Variants in ZRANB3 observed in about 807,000 individuals in gnomAD.
ZRANB3 encodes zinc finger RANBP2-type containing 3.
In ZRANB3, 125 loss-of-function variants were observed where a neutral mutation model predicts 133.8. That is an observed-to-expected ratio of 0.93 (90% confidence interval 0.81 to 1.08). ZRANB3 has a LOEUF of 1.08. Ranked by LOEUF, ZRANB3 falls within the 50% of genes least tolerant of loss-of-function variation. The pLI is 0.00. For missense variants in ZRANB3, 1,229 were observed against 1,275.5 expected (o/e 0.96, Z 0.56); for synonymous variants, 387 against 432.7 (o/e 0.89, Z 1.31).
chr2:135,451,388 C>A (rs1342714757), intron 2 of ZRANB3, among the ~76,000 whole-genome samples: 5 of 151,732 alleles, frequency 3.3e-5, no homozygotes, highest in Non-Finnish European at 4.4e-5. Context: ...ATGGAGAAAC[C>A]CCGTCTCTAC....
At chr2:135,200,468 C>T in intron 20 of ZRANB3, 28 bp from the exon 21 acceptor site, 2 of 1,538,914 alleles carry the variant, frequency 1.3e-6, no homozygotes, top group Non-Finnish European at 1.8e-6. Flanking sequence ...TGCATGTGTA[C>T]ACGTTAGGAA....
intron 2 of ZRANB3, among the ~76,000 whole-genome samples, chr2:135,442,490 A>C (rs1689823502): frequency 6.6e-6 from 1 of 152,258 alleles, no homozygotes; most frequent in Non-Finnish European, 1.5e-5. Flanking sequence ...TCAAAACCAC[A>C]GTGAGATACC....
intron 2 of ZRANB3, among the ~76,000 whole-genome samples, chr2:135,425,060 AT>A (rs1310598213): frequency 2.0e-5 from 3 of 152,180 alleles, no homozygotes; most frequent in Non-Finnish European, 1.5e-5. Context: ...ATGCCTACAA[AT>A]TCTGAGAAAA....
intron 2 of ZRANB3, among the ~76,000 whole-genome samples, chr2:135,408,760 G>A (rs966779484): frequency 6.6e-6 from 1 of 151,844 alleles, no homozygotes; most frequent in Non-Finnish European, 1.5e-5. Context: ...TCACTCATAG[G>A]TGGGAACTGA....
At chr2:135,408,833 G>C (rs918291459) in intron 2 of ZRANB3, among the ~76,000 whole-genome samples, 2 of 152,052 alleles carry the variant, frequency 1.3e-5, no homozygotes, top group Admixed American at 6.6e-5. Flanking sequence ...TGTGGGGTCG[G>C]GGGATGGGGG....
At chr2:135,335,954 T>A (rs1053614580) in intron 6 of ZRANB3, among the ~76,000 whole-genome samples, 2 of 152,190 alleles carry the variant, frequency 1.3e-5, no homozygotes, top group African/African-American at 2.4e-5. Context: ...ACTCACCAAG[T>A]GCTTATAAAA....
intron 1 of ZRANB3, among the ~76,000 whole-genome samples, chr2:135,509,631 CTTTTGTTTTTTTACAAATACAAATTAA>C (rs1296598008): frequency 4.1e-4 from 63 of 152,148 alleles, no homozygotes; most frequent in African/African-American, 1.5e-3. Flanking sequence ...AATATTTTGT[CTTTTGTTTTTTTACAAATACAAATTAA>C]ACATGAAAAA....
At chr2:135,472,401 G>A (rs1447992259) in intron 2 of ZRANB3, among the ~76,000 whole-genome samples, 1 of 151,764 alleles carries the variant, frequency 6.6e-6, no homozygotes, top group Non-Finnish European at 1.5e-5. Context: ...TGGGGAGGCT[G>A]AGGCAGGAGA....
intron 8 of ZRANB3, among the ~76,000 whole-genome samples, chr2:135,291,527 C>T (rs1280760574): frequency 6.6e-6 from 1 of 151,430 alleles, no homozygotes; most frequent in Non-Finnish European, 1.5e-5. Context: ...TAATCCCCAA[C>T]TTCTTGGAGG....
intron 6 of ZRANB3, among the ~76,000 whole-genome samples, chr2:135,338,356 T>A (rs892760223): frequency 1.3e-5 from 2 of 152,238 alleles, no homozygotes; most frequent in Non-Finnish European, 1.5e-5. Context: ...TCCCTATCAA[T>A]CTGATCACTT....
At chr2:135,440,308 AG>A (rs1325789578) in intron 2 of ZRANB3, among the ~76,000 whole-genome samples, 1 of 152,082 alleles carries the variant, frequency 6.6e-6, no homozygotes, top group Non-Finnish European at 1.5e-5. Context: ...ACCAAAAATG[AG>A]AATCACTTGA....
chr2:135,518,120 G>T (rs1006657138), intron 1 of ZRANB3, among the ~76,000 whole-genome samples: 5 of 152,200 alleles, frequency 3.3e-5, no homozygotes, highest in African/African-American at 1.2e-4. Context: ...TACCAAGCTC[G>T]ACCGTCCCAG....
intron 7 of ZRANB3, among the ~76,000 whole-genome samples, chr2:135,314,389 GTTC>G (rs887312040): frequency 7.2e-5 from 11 of 152,010 alleles, no homozygotes; most frequent in African/African-American, 2.4e-4. Flanking sequence ...AAATCAGATT[GTTC>G]TTATTTTAGA....
intron 6 of ZRANB3, among the ~76,000 whole-genome samples, chr2:135,316,690 G>A (rs1040754743): frequency 3.3e-5 from 5 of 151,968 alleles, no homozygotes; most frequent in Non-Finnish European, 7.4e-5. Context: ...ACTTGTAGCC[G>A]GGCACGGTGG....
chr2:135,391,045 G>C (rs1183753882), intron 2 of ZRANB3, among the ~76,000 whole-genome samples: 1 of 152,062 alleles, frequency 6.6e-6, no homozygotes, highest in Admixed American at 6.6e-5. Flanking sequence ...ATTTTTAGTA[G>C]AGAAGGGGTT....
chr2:135,203,011 A>T, intron 19 of ZRANB3, 48 bp from the exon 20 acceptor site: 1 of 1,591,648 alleles, frequency 6.3e-7, no homozygotes, highest in Non-Finnish European at 8.6e-7. Flanking sequence ...TACTGCAAGA[A>T]GTGTTTGTTG....
At chr2:135,269,205 C>A in intron 10 of ZRANB3, 64 bp from the exon 11 acceptor site, 1 of 1,334,956 alleles carries the variant, frequency 7.5e-7, no homozygotes, top group Non-Finnish European at 9.9e-7. Flanking sequence ...TAAAGTATTT[C>A]TGAACATGTT....
intron 13 of ZRANB3, among the ~76,000 whole-genome samples, chr2:135,229,399 G>T (rs1322819086): frequency 1.4e-5 from 2 of 143,308 alleles, no homozygotes; most frequent in Admixed American, 7.2e-5. Context: ...ACGGAGTCTC[G>T]CTCTGTTGCC....
chr2:135,354,887 A>C (rs1300693975), intron 3 of ZRANB3, among the ~76,000 whole-genome samples: 1 of 152,194 alleles, frequency 6.6e-6, no homozygotes, highest in African/African-American at 2.4e-5. Context: ...GTACACTAAA[A>C]ATGGGTGAAT....
Sources: gnomAD v4.1 joint callset for allele counts (sites outside exome capture counted in the v4.1 genomes callset) on GRCh38, gnomAD v4.1.1 for gene constraint, MANE v1.5 for transcripts, NCBI Gene and HGNC (gene_info 2026-07-23, HGNC 2026-07-21) for gene names.